ARMH4: variants seen among roughly 807,000 people sequenced by gnomAD.
ARMH4 encodes the protein armadillo like helical domain containing 4.
ARMH4 carries 49 observed loss-of-function variants against 61.9 expected under a neutral mutation model. The observed-to-expected ratio is 0.79, with a 90% CI of 0.63 to 1.00. The LOEUF is 1.00. Ranked by LOEUF, ARMH4 falls within the 50% of genes least tolerant of loss-of-function variation. The pLI is 0.00. For missense variants in ARMH4, 934 were observed against 930.0 expected, an observed-to-expected ratio of 1.00 and a Z score of -0.06; for synonymous variants, 368 against 341.5, an observed-to-expected ratio of 1.08 and a Z score of -0.85.
chr14:58,081,120 A>AATAT (rs1885211843), intron 5 of ARMH4, among the ~76,000 whole-genome samples: 2 of 151,740 alleles, frequency 1.3e-5, no homozygotes, highest in African/African-American at 4.8e-5. Flanking sequence ...TAAATAAATA[A>AATAT]ATAAATAAAG....
chr14:58,117,569 T>C (rs937056211), intron 4 of ARMH4, among the ~76,000 whole-genome samples: 5 of 152,166 alleles, frequency 3.3e-5, no homozygotes, highest in Admixed American at 3.3e-4. Context: ...TTCACCTTAA[T>C]CCATCTTTGT....
intron 4 of ARMH4, among the ~76,000 whole-genome samples, chr14:58,125,885 C>A (rs1030036544): frequency 1.3e-5 from 2 of 152,156 alleles, no homozygotes; most frequent in African/African-American, 4.8e-5. Context: ...GGGAAGGTGA[C>A]CACGTCCACC....
chr14:58,011,432 C>T (rs966038687), intron 6 of ARMH4, among the ~76,000 whole-genome samples: 34 of 152,034 alleles, frequency 2.2e-4, no homozygotes, highest in African/African-American at 7.7e-4. Context: ...TTCCATTTAG[C>T]TGAAATCCCA....
chr14:58,021,922 A>G (rs1882848141), intron 5 of ARMH4, among the ~76,000 whole-genome samples: 1 of 152,218 alleles, frequency 6.6e-6, no homozygotes, highest in African/African-American at 2.4e-5. Flanking sequence ...ATCTGCAACC[A>G]AGGAGGGCTG....
intron 5 of ARMH4, among the ~76,000 whole-genome samples, chr14:58,060,248 C>T (rs1451126846): frequency 6.6e-6 from 1 of 152,178 alleles, no homozygotes; most frequent in African/African-American, 2.4e-5. Flanking sequence ...TCTAGACTCT[C>T]CTAAACAAGG....
chr14:58,077,136 C>T (rs1885072834), intron 5 of ARMH4, among the ~76,000 whole-genome samples: 1 of 152,162 alleles, frequency 6.6e-6, no homozygotes, highest in Admixed American at 6.5e-5. Flanking sequence ...GTCTGCAGGA[C>T]CATGGGAGGC....
At chr14:58,090,644 C>T (rs1386407439) in intron 5 of ARMH4, among the ~76,000 whole-genome samples, 1 of 151,832 alleles carries the variant, frequency 6.6e-6, no homozygotes, top group East Asian at 1.9e-4. Flanking sequence ...TTTAGGAGGC[C>T]AAGGCAGACG....
chr14:58,143,040 C>T, intron 1 of ARMH4, among the ~76,000 whole-genome samples: 1 of 152,244 alleles, frequency 6.6e-6, no homozygotes, highest in East Asian at 1.9e-4. Context: ...GCACCCCTGG[C>T]TGACATCTTG....
intron 5 of ARMH4, among the ~76,000 whole-genome samples, chr14:58,072,204 T>C (rs1352025372): frequency 1.3e-5 from 2 of 152,172 alleles, no homozygotes; most frequent in East Asian, 1.9e-4. Context: ...TGTAGGCACA[T>C]AGGAAGTATT....
At chr14:58,039,370 C>T (rs1689997586) in intron 5 of ARMH4, among the ~76,000 whole-genome samples, 1 of 152,132 alleles carries the variant, frequency 6.6e-6, no homozygotes, top group South Asian at 2.1e-4. Context: ...CTAACACAAT[C>T]CCTTTGAATT....
In ARMH4 at chr14:58,011,782, A is replaced by AC. The variant is rs1555334765; in HGVS notation, c.2121+336dup. Among the ~76,000 whole-genome samples the AC allele has an allele frequency of 1.5e-3, 219 of 146,530 alleles. 2 individuals are homozygous for AC. The highest frequency in any genetic ancestry group is 3.6e-3 in the Middle Eastern group (1 of 280). ...TCATATTAGAAAAAAAAAAAAAAAA[A>AC]CAGATGGAATGAGATGACAATCCTG... On this transcript the variant is annotated intron_variant, in intron 6 of 7. Transcript: ENST00000267485.
intron 5 of ARMH4, among the ~76,000 whole-genome samples, chr14:58,075,569 C>T (rs1035182976): frequency 2.1e-4 from 27 of 130,948 alleles, no homozygotes; most frequent in African/African-American, 4.5e-4. Flanking sequence ...CACACGGACA[C>T]AGGGAGGAGA....
Position 58,003,228 on chromosome 14 carries a change from T to G in ARMH4, c.*1508A>C, listed in dbSNP as rs1594680470. 6.6e-6 allele frequency: 1 copy of G among 152,216 alleles called. No individual in the cohort carries two copies. Among genetic ancestry groups the G allele is most frequent in the African/African-American group, 2.4e-5 (1 of 41,464 alleles). 9.4% of individuals were successfully genotyped at this position (152,216 alleles called of 1,614,324 possible). On this transcript the variant is annotated 3_prime_UTR_variant, in exon 8 of 8. Coordinates refer to ENST00000267485, the MANE Select transcript of ARMH4 (RefSeq NM_001001872.4). ...TGAAATGTCACTGCTTCCACCAAAG[T>G]CTATGAAAAGGTTACTGAACTGAAG...
At chr14:58,133,852 T>C (rs910769561) in intron 2 of ARMH4, among the ~76,000 whole-genome samples, 4 of 152,204 alleles carry the variant, frequency 2.6e-5, no homozygotes, top group African/African-American at 4.8e-5. Context: ...GCATGACATA[T>C]AGTATCTTAA....
chr14:58,143,360 G>C (rs1301410628), intron 1 of ARMH4, among the ~76,000 whole-genome samples: 1 of 152,190 alleles, frequency 6.6e-6, no homozygotes, highest in African/African-American at 2.4e-5. Flanking sequence ...CAATCTGCAA[G>C]GATAATGAGA....
At chr14:58,054,636 G>A (rs556317518) in intron 5 of ARMH4, among the ~76,000 whole-genome samples, 2 of 152,226 alleles carry the variant, frequency 1.3e-5, no homozygotes, top group South Asian at 4.1e-4. Flanking sequence ...AGTGGCTCAT[G>A]ACTGTAATCC....
At chr14:58,133,380 C>T in intron 2 of ARMH4, 39 bp from the exon 3 acceptor site, 2 of 1,521,038 alleles carry the variant, frequency 1.3e-6, no homozygotes, top group Non-Finnish European at 1.8e-6. Flanking sequence ...GACCAAATCC[C>T]TATTTTTTTA....
At chr14:58,139,813 C>T (rs1180847288) in intron 1 of ARMH4, among the ~76,000 whole-genome samples, 1 of 152,212 alleles carries the variant, frequency 6.6e-6, no homozygotes, top group Non-Finnish European at 1.5e-5. Flanking sequence ...CACATTCATT[C>T]AAATAACTTT....
chr14:58,014,480 G>A (rs1329603283), intron 5 of ARMH4, among the ~76,000 whole-genome samples: 2 of 152,170 alleles, frequency 1.3e-5, no homozygotes, highest in African/African-American at 4.8e-5. Flanking sequence ...GGCAACATCT[G>A]TCTTGCAAGA....
Sources: allele counts gnomAD v4.1 joint callset (sites outside exome capture counted in the v4.1 genomes callset), GRCh38; gene constraint gnomAD v4.1.1; transcripts MANE v1.5; gene names NCBI Gene and HGNC (gene_info 2026-07-23, HGNC 2026-07-21).